PKD2L1: variants seen among roughly 807,000 people sequenced by gnomAD.
PKD2L1 encodes polycystin-2-like protein 1.
PKD2L1 carries 77 observed loss-of-function variants against 93.0 expected under a neutral mutation model. The ratio of observed to expected loss-of-function variants is 0.83; its 90% confidence interval spans 0.69 to 1.00. The LOEUF (loss-of-function observed/expected upper bound fraction) is 1.00, where lower values mean the gene tolerates loss of function less well. Ranked by LOEUF, PKD2L1 falls within the 50% of genes least tolerant of loss-of-function variation. The pLI is 0.00. For missense variants in PKD2L1, 977 were observed against 990.9 expected (o/e 0.99, Z 0.19); for synonymous variants, 390 against 388.0 (o/e 1.01, Z -0.06).
Position 100,330,172 on chromosome 10 carries a change from C to A in PKD2L1, c.-69G>T. On this transcript the variant is annotated 5_prime_UTR_variant, in exon 1 of 16. Coordinates refer to ENST00000318222, the MANE Select transcript of PKD2L1 (RefSeq NM_016112.3). ...CAGCTAGAGGAAGAGGGAGCAGAGG[C>A]ACAGCCCAGCCTAGCCAGCAGAGAG... The A allele has an allele frequency of 1.0e-6, 1 of 981,448 alleles. No individual in the cohort carries two copies. Among genetic ancestry groups the A allele is most frequent in the Non-Finnish European group, 1.5e-6 (1 of 653,042 alleles). 60.8% of individuals were successfully genotyped at this position (981,448 alleles called of 1,614,324 possible).
rs768833613 is a variant in PKD2L1 at position 100,290,152 on chromosome 10, G to T, written c.2127-14C>A. On this transcript the variant is annotated splice_polypyrimidine_tract_variant and intron_variant, in intron 13 of 15. Coordinates refer to ENST00000318222, the MANE Select transcript of PKD2L1 (RefSeq NM_016112.3). ...CTCCTTGTGAGCCTGTGTGGGATTT[G>T]AGAGAGACGAATGGAGCAGAAATCT... 1.2e-6 allele frequency: 2 copies of T among 1,613,916 alleles called. No homozygotes were observed. Among genetic ancestry groups the T allele is most frequent in the Non-Finnish European group, 1.7e-6 (2 of 1,179,982 alleles).
intron 10 of PKD2L1, 82 bp downstream of exon 10, chr10:100,293,199 T>C: frequency 1.3e-6 from 2 of 1,533,166 alleles, no homozygotes; most frequent in Non-Finnish European, 1.8e-6. Context: ...GGCACCTCAA[T>C]CAGTCAGGAA....
intron 13 of PKD2L1, 37 bp downstream of exon 13, chr10:100,290,364 T>C (rs1050953381): frequency 1.4e-6 from 2 of 1,427,364 alleles, no homozygotes; most frequent in Non-Finnish European, 2.0e-6. Context: ...ATAGAAGTGT[T>C]GCCAGCCCTG....
At chr10:100,318,687 T>C (rs1849157968) in intron 2 of PKD2L1, among the ~76,000 whole-genome samples, 1 of 150,394 alleles carries the variant, frequency 6.6e-6, no homozygotes, top group Non-Finnish European at 1.5e-5. Context: ...CCCAGCTAAT[T>C]TTTTTGTATT....
intron 13 of PKD2L1, 39 bp downstream of exon 13, chr10:100,290,362 G>T: frequency 1.4e-6 from 2 of 1,414,650 alleles, no homozygotes; most frequent in Non-Finnish European, 1.0e-6. Flanking sequence ...TAATAGAAGT[G>T]TTGCCAGCCC....
intron 12 of PKD2L1, 100 bp downstream of exon 12, chr10:100,291,201 T>C (rs1446823216): frequency 8.1e-7 from 1 of 1,227,246 alleles, no homozygotes; most frequent in Non-Finnish European, 1.1e-6. Context: ...TTACTATCTA[T>C]GGGAGAGTTT....
At chr10:100,309,002 C>T (rs935954285) in intron 2 of PKD2L1, among the ~76,000 whole-genome samples, 2 of 152,148 alleles carry the variant, frequency 1.3e-5, no homozygotes, top group Non-Finnish European at 2.9e-5. Flanking sequence ...GTATCTAAAT[C>T]TGTATCAGGA....
At chr10:100,299,951 A>G (rs1848641293) in intron 2 of PKD2L1, among the ~76,000 whole-genome samples, 1 of 152,196 alleles carries the variant, frequency 6.6e-6, no homozygotes, top group Admixed American at 6.5e-5. Flanking sequence ...CCTCAGAAAG[A>G]CTGAACTCCA....
At chr10:100,318,185 A>T (rs952768936) in intron 2 of PKD2L1, among the ~76,000 whole-genome samples, 2 of 152,186 alleles carry the variant, frequency 1.3e-5, no homozygotes, top group African/African-American at 4.8e-5. Context: ...AAATCTCAGC[A>T]ATCCTGCTGC....
chr10:100,295,212 A>G, intron 7 of PKD2L1, 89 bp from the exon 8 acceptor site: 6 of 998,144 alleles, frequency 6.0e-6, no homozygotes, highest in Non-Finnish European at 9.1e-6. Context: ...AGGCCACAGG[A>G]GTTGCCAAGC....
intron 1 of PKD2L1, 30 bp from the exon 2 acceptor site, chr10:100,329,354 G>T (rs1350902115): frequency 1.7e-5 from 28 of 1,613,854 alleles, no homozygotes; most frequent in Non-Finnish European, 2.2e-5. Flanking sequence ...TGCCTGGGAT[G>T]CTCAGTGGCA....
rs1008576961 is a variant in PKD2L1, at chr10:100,292,962, G to A, written c.1866C>T (p.Thr622=). The change falls in exon 11 of 16, where the codon ACC becomes ACT. Residue 622 remains threonine, a synonymous_variant. Transcript: ENST00000318222. ...TGGTTGCTCACTCCCTTAAGGTGTT[G>A]GTGAAATCCTCAAACTGGATCTCCT... is the stretch of plus-strand genomic sequence containing the variant. ...GEQEIQFEDF[T]NTLRELGHAE... is the part of the protein sequence containing the mutation. The A allele has an allele frequency of 2.5e-6, 4 of 1,614,044 alleles. No individual in the cohort carries two copies. Among genetic ancestry groups the A allele is most frequent in the Non-Finnish European group, 3.4e-6 (4 of 1,179,958 alleles).
chr10:100,329,311 T>A lies in PKD2L1; in HGVS notation c.249A>T (p.Thr83=), dbSNP rs1448647723. 6.2e-7 allele frequency: 1 copy of A among 1,613,788 alleles called. No homozygotes were observed. The highest frequency in any genetic ancestry group is 8.5e-7 in the Non-Finnish European group (1 of 1,179,812). ...ICQGIRGLWG[T]TLTENTAENR... is the part of the protein sequence containing the mutation. ...TCTCAGCTGTGTTCTCAGTCAGGGT[T>A]GTTCCCCAAAGTCCTAAGGGGCATG... The change falls in exon 2 of 16, where the codon ACA becomes ACT. Residue 83 remains threonine, a synonymous_variant. Coordinates refer to ENST00000318222, the MANE Select transcript of PKD2L1 (RefSeq NM_016112.3).
intron 2 of PKD2L1, among the ~76,000 whole-genome samples, chr10:100,316,341 T>A (rs1321732765): frequency 1.3e-5 from 2 of 152,088 alleles, no homozygotes; most frequent in African/African-American, 4.8e-5. Context: ...CCTGGCTAAT[T>A]TTGTATTTTT....
chr10:100,305,118 T>C (rs1182309247), intron 2 of PKD2L1, among the ~76,000 whole-genome samples: 1 of 151,040 alleles, frequency 6.6e-6, no homozygotes, highest in East Asian at 1.9e-4. Context: ...TCTTGTCTTT[T>C]TTTTTTTTTT....
At position 100,295,026 on chromosome 10, in the gene PKD2L1, A is replaced by C. The variant is rs896428162; in HGVS notation, c.1454T>G (p.Phe485Cys). Residue 485 changes from phenylalanine to cysteine, a missense_variant, in exon 8 of 16, where the codon TTC (phenylalanine) becomes TGC (cysteine). Physicochemically the swap from Phe to Cys is radical, Grantham distance 205. Transcript: ENST00000318222. ...KDILGFAVMF[F>C]IVFFAYAQLG... ...TTGGGCATAGGCGAAGAAAACAATG[A>C]AGAACATGACGGCGAAGCCCAGGAT... The C allele has an allele frequency of 3.1e-6, 5 of 1,614,050 alleles. No homozygotes were observed. Among genetic ancestry groups the C allele is most frequent in the Non-Finnish European group, 4.2e-6 (5 of 1,180,034 alleles).
Position 100,329,963 on chromosome 10 carries a change from C to T in PKD2L1, c.141G>A (p.Gln47=). Reference sequence around the variant, plus strand: ...CATCTTCAGGCTTCTTGGGTTGGGGCTGGAGAGGCCCCGTGCTGGAGATGG... The same window carrying T: ...CATCTTCAGGCTTCTTGGGTTGGGGTTGGAGAGGCCCCGTGCTGGAGATGG... ...VCTISSTGPL[Q]PQPKKPEDEP... Residue 47 remains glutamine (Q), a synonymous_variant, in exon 1 of 16, where the codon CAG becomes CAA. Coordinates refer to ENST00000318222, the MANE Select transcript of PKD2L1 (RefSeq NM_016112.3). 6.2e-7 allele frequency: 1 copy of T among 1,614,064 alleles called. No individual in the cohort carries two copies. The highest frequency in any genetic ancestry group is 1.1e-5 in the South Asian group (1 of 91,084).
rs767288753 is a variant in PKD2L1 at position 100,293,396 on chromosome 10, G to A, written c.1660-17C>T. ...GAACATGTTCTGGAAAATGAAGTGG[G>A]GACCTGGGTCCTCACCCCCAGACCC... On this transcript the variant is annotated splice_polypyrimidine_tract_variant and intron_variant, in intron 9 of 15. Coordinates refer to ENST00000318222, the MANE Select transcript of PKD2L1 (RefSeq NM_016112.3). 1.3e-6 allele frequency: 2 copies of A among 1,537,370 alleles called. No homozygotes were observed. Among genetic ancestry groups the A allele is most frequent in the Non-Finnish European group, 1.8e-6 (2 of 1,109,848 alleles).
At chr10:100,325,554 C>T (rs998971252) in intron 2 of PKD2L1, among the ~76,000 whole-genome samples, 3 of 152,132 alleles carry the variant, frequency 2.0e-5, no homozygotes, top group Admixed American at 6.5e-5. Context: ...CTTGTGGGGC[C>T]GGCACTTTGT....
Sources: allele counts gnomAD v4.1 joint callset (sites outside exome capture counted in the v4.1 genomes callset), GRCh38; gene constraint gnomAD v4.1.1; transcripts MANE v1.5; gene names NCBI Gene and HGNC (gene_info 2026-07-23, HGNC 2026-07-21).